TM9SF3: variants seen among roughly 807,000 people sequenced by gnomAD.
The protein encoded by TM9SF3 is SM-11044-binding protein.
TM9SF3 carries 14 observed loss-of-function variants against 78.6 expected under a neutral mutation model. The ratio of observed to expected loss-of-function variants is 0.18; its 90% confidence interval spans 0.12 to 0.28. TM9SF3 has a LOEUF of 0.28. TM9SF3 is among the 10% of genes least tolerant of loss of function. The pLI, the probability that TM9SF3 is intolerant of heterozygous loss-of-function variation, is 1.00. For synonymous variants in TM9SF3, 231 were observed against 241.7 expected (o/e 0.96, Z 0.41); for missense variants, 496 against 721.9 (o/e 0.69, Z 3.59).
rs571235372 is a variant in TM9SF3, at chr10:96,546,110, T to C, written c.1054+1785A>G. ...GCTTCAAACTAGATCTACAGCATTA[T>C]AGTGCACTGAGGACAGTGTGAAGAC... is the stretch of plus-strand genomic sequence containing the variant. On this transcript the variant is annotated intron_variant, in intron 8 of 14. Transcript: ENST00000371142. 1.2e-4 allele frequency among the ~76,000 whole-genome samples: 18 copies of C among 152,316 alleles called. No individual in the cohort carries two copies. In the South Asian group the frequency reaches 3.7e-3, roughly 32 times the overall value.
Position 96,521,954 on chromosome 10 carries a change from C to T in TM9SF3, c.*309G>A. 1 of 270,098 alleles carries T rather than the reference C, an allele frequency of 3.7e-6. No homozygotes were observed. Among genetic ancestry groups the T allele is most frequent in the Non-Finnish European group, 6.9e-6 (1 of 144,914 alleles). 16.7% of individuals were successfully genotyped at this position (270,098 alleles called of 1,614,324 possible). Reference sequence around the variant, plus strand: ...AAATGCTTTAAATAAACTATTTGTCCTCTTCACTGAAGAGAGCTGGTCTAT... The same window carrying T: ...AAATGCTTTAAATAAACTATTTGTCTTCTTCACTGAAGAGAGCTGGTCTAT... On this transcript the variant is annotated 3_prime_UTR_variant, in exon 15 of 15. Coordinates refer to ENST00000371142, the MANE Select transcript of TM9SF3 (RefSeq NM_020123.4).
Position 96,586,898 on chromosome 10 carries a change from G to A in TM9SF3, c.-63C>T. On this transcript the variant is annotated 5_prime_UTR_variant, in exon 1 of 15. Coordinates refer to ENST00000371142, the MANE Select transcript of TM9SF3 (RefSeq NM_020123.4). ...TCCTCCTCCCGCCGCCGCCTCCTCC[G>A]CCGCCGCCGCCTCCGCCGCGGCCGA... 9.1e-7 allele frequency: 1 copy of A among 1,094,078 alleles called. No homozygotes were observed. Among genetic ancestry groups the A allele is most frequent in the Non-Finnish European group, 1.1e-6 (1 of 884,650 alleles). 67.8% of individuals were successfully genotyped at this position (1,094,078 alleles called of 1,614,324 possible).
At chr10:96,531,498 A>G (rs901434345) in intron 10 of TM9SF3, among the ~76,000 whole-genome samples, 2 of 152,206 alleles carry the variant, frequency 1.3e-5, no homozygotes, top group African/African-American at 4.8e-5. Flanking sequence ...TCCTAAACTA[A>G]TAACTATGAA....
chr10:96,572,567 C>T (rs1300917182), intron 2 of TM9SF3, among the ~76,000 whole-genome samples: 1 of 150,342 alleles, frequency 6.7e-6, no homozygotes, highest in Non-Finnish European at 1.5e-5. Context: ...TGCTCTGTCG[C>T]CCAGGCTGGA....
At chr10:96,576,070 C>T (rs1848493378) in intron 2 of TM9SF3, among the ~76,000 whole-genome samples, 1 of 152,064 alleles carries the variant, frequency 6.6e-6, no homozygotes, top group Admixed American at 6.6e-5. Flanking sequence ...ATAAATAATA[C>T]ATGTTAAGCC....
intron 10 of TM9SF3, among the ~76,000 whole-genome samples, chr10:96,530,985 C>A (rs191132417): frequency 6.6e-6 from 1 of 151,730 alleles, no homozygotes; most frequent in East Asian, 1.9e-4. Flanking sequence ...AGTCTAGAGA[C>A]CTCCATTTGA....
At chr10:96,535,093 C>T (rs1295088458) in intron 9 of TM9SF3, among the ~76,000 whole-genome samples, 1 of 152,124 alleles carries the variant, frequency 6.6e-6, no homozygotes, top group Admixed American at 6.5e-5. Context: ...CACATCTTGC[C>T]TTCTGTGCAC....
At chr10:96,522,397 C>G in intron 14 of TM9SF3, 67 bp from the exon 15 acceptor site, 1 of 1,212,076 alleles carries the variant, frequency 8.3e-7, no homozygotes, top group Non-Finnish European at 1.1e-6. Flanking sequence ...TTTAAAAACA[C>G]TAAATACTCT....
intron 6 of TM9SF3, 29 bp downstream of exon 6, chr10:96,552,899 C>T (rs775021523): frequency 4.0e-6 from 6 of 1,492,170 alleles, no homozygotes; most frequent in South Asian, 1.4e-5. Flanking sequence ...TAAAATGTTT[C>T]TACAAATATA....
intron 1 of TM9SF3, among the ~76,000 whole-genome samples, chr10:96,580,114 G>A (rs1008081894): frequency 6.6e-6 from 1 of 152,154 alleles, no homozygotes; most frequent in African/African-American, 2.4e-5. Context: ...CCTGGGAAAC[G>A]GCCAAGTGAG....
At position 96,521,106 on chromosome 10, in the gene TM9SF3, G is replaced by T. The variant is rs962831901; in HGVS notation, c.*1157C>A. 17 of 382,782 alleles carry T rather than the reference G, an allele frequency of 4.4e-5. No individual in the cohort carries two copies. Among genetic ancestry groups the T allele is most frequent in the Non-Finnish European group, 3.2e-5 (7 of 215,474 alleles). The allele number at this position is 382,782 out of a possible 1,614,324, so 23.7% of individuals were successfully genotyped here. On this transcript the variant is annotated 3_prime_UTR_variant, in exon 15 of 15. Coordinates refer to ENST00000371142, the MANE Select transcript of TM9SF3 (RefSeq NM_020123.4). ...AATTACAAATTTGGCTCCTGTAGGA[G>T]TCTCAGAAAATAAACAGAAGAAAAC...
intron 9 of TM9SF3, among the ~76,000 whole-genome samples, chr10:96,542,149 A>G (rs1286185271): frequency 6.6e-6 from 1 of 152,264 alleles, no homozygotes; most frequent in Non-Finnish European, 1.5e-5. Flanking sequence ...CAAGTACTTA[A>G]TGAAGAGCTG....
At chr10:96,549,867 A>G (rs1040450997) in intron 7 of TM9SF3, among the ~76,000 whole-genome samples, 1 of 149,012 alleles carries the variant, frequency 6.7e-6, no homozygotes, top group Non-Finnish European at 1.5e-5. Flanking sequence ...TAACATTTTG[A>G]AAAGGAAGCA....
chr10:96,531,090 TTA>T (rs1847889014), intron 10 of TM9SF3, among the ~76,000 whole-genome samples: 1 of 152,236 alleles, frequency 6.6e-6, no homozygotes, highest in Non-Finnish European at 1.5e-5. Flanking sequence ...AATTAAGGTA[TTA>T]TGAGTTCTTA....
intron 9 of TM9SF3, among the ~76,000 whole-genome samples, chr10:96,538,420 T>C (rs1847984237): frequency 6.6e-6 from 1 of 152,106 alleles, no homozygotes; most frequent in Non-Finnish European, 1.5e-5. Context: ...GAGCTAAAAC[T>C]ATAAAATTTC....
At chr10:96,569,252 G>A (rs1848412108) in intron 2 of TM9SF3, among the ~76,000 whole-genome samples, 1 of 152,178 alleles carries the variant, frequency 6.6e-6, no homozygotes, top group South Asian at 2.1e-4. Context: ...ACCCCTTTGA[G>A]AATCCAATGA....
At position 96,570,472 on chromosome 10, in the gene TM9SF3, C is replaced by A. The variant is rs187241930; in HGVS notation, c.299-5046G>T. ...CCTTTAAAAAACAAAAAAGAGATGC[C>A]CATATTTATCAAATCTGCTGTTAGT... On this transcript the variant is annotated intron_variant, in intron 2 of 14. Transcript: ENST00000371142. 2.0e-4 allele frequency among the ~76,000 whole-genome samples: 30 copies of A among 151,900 alleles called. No individual in the cohort carries two copies. In the East Asian group the frequency reaches 5.6e-3, roughly 28 times the overall value.
At chr10:96,547,028 A>T (rs891161466) in intron 8 of TM9SF3, among the ~76,000 whole-genome samples, 4 of 152,276 alleles carry the variant, frequency 2.6e-5, no homozygotes, top group Non-Finnish European at 5.9e-5. Flanking sequence ...ACCAAGGAGC[A>T]GTATCCTTGT....
At chr10:96,555,615 G>C (rs1031213564) in intron 5 of TM9SF3, among the ~76,000 whole-genome samples, 1 of 152,140 alleles carries the variant, frequency 6.6e-6, no homozygotes, top group Non-Finnish European at 1.5e-5. Context: ...AAACTCTATG[G>C]ATCTTCTTGA....
Sources: allele counts gnomAD v4.1 joint callset (sites outside exome capture counted in the v4.1 genomes callset), GRCh38; gene constraint gnomAD v4.1.1; transcripts MANE v1.5; gene names NCBI Gene and HGNC (gene_info 2026-07-23, HGNC 2026-07-21).